CNTN6: variants seen among roughly 807,000 people sequenced by gnomAD.
CNTN6 encodes contactin 6.
A neutral mutation model predicts 122.8 loss-of-function variants in CNTN6; 137 were observed. The observed-to-expected ratio is 1.12, with a 90% CI of 0.97 to 1.29. The LOEUF is 1.29. CNTN6 is among the 50% of genes most tolerant of loss of function. The pLI is 0.00. For missense variants in CNTN6, 1,634 were observed against 1,223.4 expected (o/e 1.34, Z -5.01); for synonymous variants, 570 against 426.0 (o/e 1.34, Z -4.16).
At chr3:1,245,295 C>T (rs1389485637) in intron 4 of CNTN6, among the ~76,000 whole-genome samples, 130 of 3,770 alleles carry the variant, frequency 0.034, 27 homozygotes, top group Non-Finnish European at 0.071. Context: ...ATATATATAA[C>T]ATATATATAT....
chr3:1,355,026 G>C (rs1706323968), intron 12 of CNTN6, among the ~76,000 whole-genome samples: 1 of 151,304 alleles, frequency 6.6e-6, no homozygotes, highest in Middle Eastern at 3.4e-3. Context: ...ATACAAAAAG[G>C]GTACATGATA....
intron 5 of CNTN6, among the ~76,000 whole-genome samples, chr3:1,292,167 T>G (rs74518465): frequency 6.6e-6 from 1 of 152,126 alleles, no homozygotes; most frequent in Non-Finnish European, 1.5e-5. Flanking sequence ...ATATTAAATC[T>G]AACAGCATTC....
intron 11 of CNTN6, among the ~76,000 whole-genome samples, chr3:1,339,131 A>T (rs922808759): frequency 2.0e-5 from 3 of 151,586 alleles, no homozygotes; most frequent in African/African-American, 4.8e-5. Context: ...AACTTTTTAA[A>T]TTTTTTTTCA....
rs534630321 is a variant in CNTN6, at chr3:1,094,700, A to T, written c.-83+1580A>T. Reference sequence around the variant, plus strand: ...TTTCTCTGAGTTTAGAACCCCCTCTAAAAAAAATCAATTATGTTGTGAAAA... The same window carrying T: ...TTTCTCTGAGTTTAGAACCCCCTCTTAAAAAAATCAATTATGTTGTGAAAA... On this transcript the variant is annotated intron_variant, in intron 1 of 22. Coordinates refer to ENST00000446702, the MANE Select transcript of CNTN6 (RefSeq NM_001289080.2). Among the ~76,000 whole-genome samples, 245 of 151,944 alleles carry T rather than the reference A, an allele frequency of 1.6e-3. 1 individual carries two copies. Among genetic ancestry groups the T allele is most frequent in the South Asian group, 7.5e-3 (36 of 4,816 alleles).
At chr3:1,224,111 G>C (rs1313991949) in intron 3 of CNTN6, among the ~76,000 whole-genome samples, 1 of 152,162 alleles carries the variant, frequency 6.6e-6, no homozygotes. Flanking sequence ...GGTGTTCTCT[G>C]TCAGAGGTCT....
At chr3:1,107,369 A>G (rs899476613) in intron 1 of CNTN6, among the ~76,000 whole-genome samples, 1 of 152,114 alleles carries the variant, frequency 6.6e-6, no homozygotes, top group East Asian at 1.9e-4. Context: ...AGTTGGTTCA[A>G]TTCTATAGAT....
intron 2 of CNTN6, among the ~76,000 whole-genome samples, chr3:1,219,674 C>T (rs1454972982): frequency 6.6e-6 from 1 of 151,998 alleles, no homozygotes; most frequent in Non-Finnish European, 1.5e-5. Context: ...TCAGGGAAAT[C>T]AAGGAAAGAC....
intron 11 of CNTN6, among the ~76,000 whole-genome samples, chr3:1,339,049 AG>A (rs1703508819): frequency 6.6e-6 from 1 of 152,060 alleles, no homozygotes; most frequent in South Asian, 2.1e-4. Context: ...CAAGCAGTGA[AG>A]CTGTCAGAGC....
At chr3:1,327,330 G>A (rs989973954) in intron 9 of CNTN6, 127 bp from the exon 10 acceptor site, 23 of 986,686 alleles carry the variant, frequency 2.3e-5, no homozygotes, top group Admixed American at 5.9e-5. Flanking sequence ...TCAGAATCTA[G>A]TAGTGTATTA....
intron 5 of CNTN6, among the ~76,000 whole-genome samples, chr3:1,294,250 G>A (rs933605948): frequency 6.6e-6 from 1 of 152,084 alleles, no homozygotes; most frequent in African/African-American, 2.4e-5. Flanking sequence ...TTCATAAAAT[G>A]AAATACTATC....
intron 17 of CNTN6, 138 bp from the exon 18 acceptor site, chr3:1,382,804 G>T (rs559402324): frequency 5.6e-5 from 34 of 605,752 alleles, no homozygotes; most frequent in African/African-American, 5.2e-4. Flanking sequence ...AAATAAAAGT[G>T]TTTTTTAATA....
chr3:1,133,259 T>C (rs893815592), intron 1 of CNTN6, among the ~76,000 whole-genome samples: 1 of 152,164 alleles, frequency 6.6e-6, no homozygotes, highest in South Asian at 2.1e-4. Context: ...TCCAAGGAGA[T>C]GGACCAACAT....
chr3:1,167,418 T>G (rs1273628503), intron 2 of CNTN6, among the ~76,000 whole-genome samples: 1 of 152,198 alleles, frequency 6.6e-6, no homozygotes, highest in Non-Finnish European at 1.5e-5. Flanking sequence ...CCATATCCAA[T>G]GTATCTTTTT....
At chr3:1,272,693 C>T (rs1443513233) in intron 4 of CNTN6, among the ~76,000 whole-genome samples, 8 of 152,132 alleles carry the variant, frequency 5.3e-5, no homozygotes, top group Admixed American at 5.2e-4. Flanking sequence ...CCATAGCCTT[C>T]CTTCAAGCTT....
intron 1 of CNTN6, among the ~76,000 whole-genome samples, chr3:1,113,612 A>G (rs2091582932): frequency 6.6e-6 from 1 of 152,158 alleles, no homozygotes; most frequent in African/African-American, 2.4e-5. Context: ...CTGCTGTAGT[A>G]TTTAAATTTA....
At chr3:1,280,302 G>A (rs967452011) in intron 5 of CNTN6, among the ~76,000 whole-genome samples, 12 of 152,006 alleles carry the variant, frequency 7.9e-5, no homozygotes, top group Admixed American at 5.9e-4. Flanking sequence ...TAAAGGATAT[G>A]TGGATCTTTT....
At chr3:1,273,353 G>T (rs879802256) in intron 4 of CNTN6, among the ~76,000 whole-genome samples, 11 of 152,174 alleles carry the variant, frequency 7.2e-5, no homozygotes, top group Non-Finnish European at 1.2e-4. Context: ...GACAAAAATA[G>T]AAACTGGTGG....
intron 5 of CNTN6, among the ~76,000 whole-genome samples, chr3:1,288,368 C>G (rs1694712492): frequency 2.0e-5 from 3 of 152,168 alleles, no homozygotes; most frequent in Admixed American, 6.5e-5. Flanking sequence ...ACATCGTAAA[C>G]TTCCTCAGCC....
At chr3:1,344,231 C>A (rs926001932) in intron 11 of CNTN6, among the ~76,000 whole-genome samples, 2 of 152,076 alleles carry the variant, frequency 1.3e-5, no homozygotes, top group East Asian at 3.9e-4. Context: ...GGAGGTCCAC[C>A]TGCAGGGCAG....
Sources: gnomAD v4.1 joint callset for allele counts (sites outside exome capture counted in the v4.1 genomes callset) on GRCh38, gnomAD v4.1.1 for gene constraint, MANE v1.5 for transcripts, NCBI Gene and HGNC (gene_info 2026-07-23, HGNC 2026-07-21) for gene names.